The following POMK variants were observed in gnomAD, a reference collection of about 807,000 sequenced individuals.
POMK encodes the protein protein O-mannose kinase.
Under a neutral mutation model 23.0 loss-of-function variants are expected in POMK, and 19 were observed. The observed-to-expected ratio is 0.83, with a 90% CI of 0.58 to 1.21. The LOEUF (loss-of-function observed/expected upper bound fraction) is 1.21. Ranked by LOEUF, POMK falls within the 50% of genes most tolerant of loss-of-function variation. The probability of loss-of-function intolerance (pLI) is 0.00; values close to 1 mark genes in which losing one functional copy is unlikely to be tolerated. For synonymous variants in POMK, 173 were observed against 171.6 expected (o/e 1.01, Z -0.06); for missense variants, 410 against 431.3 (o/e 0.95, Z 0.44).
intron 4 of POMK, among the ~76,000 whole-genome samples, chr8:43,106,360 A>T (rs1811544103): frequency 6.6e-6 from 1 of 151,856 alleles, no homozygotes; most frequent in African/African-American, 2.4e-5. Flanking sequence ...TTCTGTTGAG[A>T]TGTTTGAGTT....
intron 4 of POMK, among the ~76,000 whole-genome samples, chr8:43,106,795 A>G (rs1158177535): frequency 6.6e-6 from 1 of 152,122 alleles, no homozygotes; most frequent in Admixed American, 6.5e-5. Flanking sequence ...CACTGGGCCC[A>G]GCCCTCAGTT....
At chr8:43,118,219 T>C (rs117478989) in intron 4 of POMK, among the ~76,000 whole-genome samples, 4,491 of 152,248 alleles carry the variant, frequency 0.029, 116 homozygotes, top group Admixed American at 0.074. Context: ...TATGAAACAT[T>C]ACTCAGCTTT....
chr8:43,103,977 T>C, intron 4 of POMK, 147 bp downstream of exon 4: 5 of 830,088 alleles, frequency 6.0e-6, no homozygotes, highest in Non-Finnish European at 9.6e-6. Flanking sequence ...GCACCACATT[T>C]GCTTTGGTTG....
At chr8:43,118,602 G>T (rs866998953) in intron 4 of POMK, among the ~76,000 whole-genome samples, 3 of 152,180 alleles carry the variant, frequency 2.0e-5, no homozygotes, top group Non-Finnish European at 4.4e-5. Context: ...TAAATTAGAG[G>T]TTGTGAGAAA....
chr8:43,109,779 G>A (rs1811612511), intron 4 of POMK, among the ~76,000 whole-genome samples: 1 of 152,144 alleles, frequency 6.6e-6, no homozygotes, highest in African/African-American at 2.4e-5. Flanking sequence ...TTGACCCCTT[G>A]ATCTACCTGC....
chr8:43,123,244 G>C lies in POMK; in HGVS notation c.*367G>C, dbSNP rs988379291. On this transcript the variant is annotated 3_prime_UTR_variant, in exon 5 of 5. Coordinates refer to ENST00000331373, the MANE Select transcript of POMK (RefSeq NM_032237.5). ...TAATTTTTGTATTTTTAGTGGAGGTGGGGTTTCACCATGTTGGCCAGGCTG... is the reference window on the plus strand; with the variant it reads ...TAATTTTTGTATTTTTAGTGGAGGTCGGGTTTCACCATGTTGGCCAGGCTG... 5.8e-6 allele frequency: 1 copy of C among 172,756 alleles called. No homozygotes were observed. The highest frequency in any genetic ancestry group is 1.2e-5 in the Non-Finnish European group (1 of 80,754). 10.7% of individuals were successfully genotyped at this position (172,756 alleles called of 1,614,324 possible).
chr8:43,101,065 G>A (rs1444720188), intron 2 of POMK, among the ~76,000 whole-genome samples: 1 of 152,074 alleles, frequency 6.6e-6, no homozygotes, highest in Non-Finnish European at 1.5e-5. Context: ...TGGGGTACTG[G>A]AATGTGTTGA....
chr8:43,102,204 G>C (rs1214505870), intron 2 of POMK, among the ~76,000 whole-genome samples: 1 of 152,214 alleles, frequency 6.6e-6, no homozygotes, highest in African/African-American at 2.4e-5. Context: ...GTAATTCACT[G>C]TGTGTGAATG....
intron 4 of POMK, among the ~76,000 whole-genome samples, chr8:43,104,408 C>T (rs899754048): frequency 6.6e-6 from 1 of 152,012 alleles, no homozygotes. Flanking sequence ...AATAAGTAAT[C>T]CAAGGCAGGA....
rs548407221 is a variant in POMK at position 43,116,915 on chromosome 8, TA to T, written c.283-5191del. 5.6e-3 allele frequency among the ~76,000 whole-genome samples: 846 copies of T among 151,872 alleles called. 5 individuals carry two copies. The highest frequency in any genetic ancestry group is 8.5e-3 in the Non-Finnish European group (576 of 67,966). ...CGAAAAGAGAGTCAGCCAAGGGAGA[TA>T]GGGGTAGGGCCATTTTTATAAGATT... On this transcript the variant is annotated intron_variant, in intron 4 of 4. Transcript: ENST00000331373.
chr8:43,121,591 C>G (rs990932009), intron 4 of POMK, among the ~76,000 whole-genome samples: 1 of 152,242 alleles, frequency 6.6e-6, no homozygotes, highest in Non-Finnish European at 1.5e-5. Context: ...GGGCAGGGCT[C>G]TACGCCCTCA....
intron 4 of POMK, among the ~76,000 whole-genome samples, chr8:43,112,773 G>A (rs1006414534): frequency 6.6e-6 from 1 of 152,202 alleles, no homozygotes; most frequent in African/African-American, 2.4e-5. Context: ...CATTCTTAGA[G>A]AAAAGAATTT....
chr8:43,119,463 G>A (rs1220994088), intron 4 of POMK, among the ~76,000 whole-genome samples: 6 of 121,430 alleles, frequency 4.9e-5, no homozygotes, highest in South Asian at 2.6e-4. Flanking sequence ...TTTTTGAGAC[G>A]AAGTCTCTAA....
chr8:43,122,177 A>G lies in POMK; in HGVS notation c.353A>G (p.Asp118Gly). 2 of 1,614,112 alleles carry G rather than the reference A, an allele frequency of 1.2e-6. No homozygotes were observed. The highest frequency in any genetic ancestry group is 1.7e-6 in the Non-Finnish European group (2 of 1,180,022). Residue 118 changes from aspartate (D) to glycine (G), a missense_variant, in exon 5 of 5, where the codon GAT becomes GGT. By Grantham distance (94) the Asp-to-Gly change is moderately conservative. Coordinates refer to ENST00000331373, the MANE Select transcript of POMK (RefSeq NM_032237.5). ...CTCACCAGCCTGGAGATGAAAGATG[A>G]TTTCCTCCATGGACTGCAGATGCTG... The part of the protein sequence containing the change: ...SQLTSLEMKD[D>G]FLHGLQMLKS...
chr8:43,098,790 C>T (rs1811383587), intron 2 of POMK, among the ~76,000 whole-genome samples: 1 of 152,120 alleles, frequency 6.6e-6, no homozygotes, highest in South Asian at 2.1e-4. Flanking sequence ...GTATTATAGC[C>T]ATCCTCATGG....
chr8:43,121,945 T>G (rs1349224088), intron 4 of POMK, among the ~76,000 whole-genome samples, 162 bp from the exon 5 acceptor site: 2 of 152,250 alleles, frequency 1.3e-5, no homozygotes. Context: ...CTCATCGGTC[T>G]CTCTTCATAA....
At chr8:43,118,793 C>T (rs574944331) in intron 4 of POMK, among the ~76,000 whole-genome samples, 2 of 152,082 alleles carry the variant, frequency 1.3e-5, no homozygotes, top group South Asian at 4.1e-4. Context: ...GCTGAGCCTC[C>T]CCAACTTACT....
intron 4 of POMK, among the ~76,000 whole-genome samples, chr8:43,115,992 C>T (rs1811791202): frequency 6.6e-6 from 1 of 152,236 alleles, no homozygotes; most frequent in Non-Finnish European, 1.5e-5. Flanking sequence ...ACAAGTGGTT[C>T]CTTCCCTTAC....
chr8:43,111,791 G>T (rs1811674210), intron 4 of POMK, among the ~76,000 whole-genome samples: 1 of 152,212 alleles, frequency 6.6e-6, no homozygotes, highest in Non-Finnish European at 1.5e-5. Context: ...AGCCCCCGCT[G>T]CTGATACCCA....
Sources: allele counts gnomAD v4.1 joint callset (sites outside exome capture counted in the v4.1 genomes callset), GRCh38; gene constraint gnomAD v4.1.1; transcripts MANE v1.5; gene names NCBI Gene and HGNC (gene_info 2026-07-23, HGNC 2026-07-21).